LDB2: variants seen among roughly 807,000 people sequenced by gnomAD.
The protein encoded by LDB2 is LIM domain-binding protein 2.
In LDB2, 12 loss-of-function variants were observed where a neutral mutation model predicts 44.3. The ratio of observed to expected loss-of-function variants is 0.27; its 90% CI spans 0.17 to 0.44. The LOEUF is 0.44. Among genes scored for constraint, LDB2 ranks in the 20% least tolerant of loss-of-function variants. The pLI is 1.00. For synonymous variants in LDB2, 164 were observed against 174.8 expected (o/e 0.94, Z 0.49); for missense variants, 344 against 473.5 (o/e 0.73, Z 2.54).
chr4:16,676,151 G>C (rs193280757), intron 2 of LDB2, among the ~76,000 whole-genome samples: 1 of 152,230 alleles, frequency 6.6e-6, no homozygotes, highest in Non-Finnish European at 1.5e-5. Flanking sequence ...GAGAGGTTGT[G>C]TGTGTGTGTG....
chr4:16,815,987 C>A (rs960600597), intron 1 of LDB2, among the ~76,000 whole-genome samples: 2 of 152,144 alleles, frequency 1.3e-5, no homozygotes, highest in Non-Finnish European at 2.9e-5. Context: ...GCGGGTGGAT[C>A]GTCTGAGGTC....
intron 1 of LDB2, among the ~76,000 whole-genome samples, chr4:16,841,135 A>AT (rs201644625): frequency 1.1e-4 from 17 of 151,322 alleles, no homozygotes; most frequent in African/African-American, 2.7e-4. Flanking sequence ...ATAGAATACC[A>AT]TTTTTTTTTC....
At chr4:16,553,193 C>T (rs1355374652) in intron 5 of LDB2, among the ~76,000 whole-genome samples, 4 of 152,300 alleles carry the variant, frequency 2.6e-5, no homozygotes, top group Non-Finnish European at 4.4e-5. Context: ...CTTGCTCTGT[C>T]GCCTAGGCTG....
chr4:16,710,249 G>C (rs1755577001), intron 2 of LDB2, among the ~76,000 whole-genome samples: 1 of 152,286 alleles, frequency 6.6e-6, no homozygotes, highest in East Asian at 1.9e-4. Context: ...GATGGGATTA[G>C]ATATTTTGTT....
At chr4:16,763,421 C>T (rs1003330533) in intron 1 of LDB2, among the ~76,000 whole-genome samples, 1 of 124,804 alleles carries the variant, frequency 8.0e-6, no homozygotes, top group Non-Finnish European at 1.7e-5. Flanking sequence ...TTTCAATCTC[C>T]CCCCATATGT....
At chr4:16,528,263 A>G (rs973413953) in intron 5 of LDB2, among the ~76,000 whole-genome samples, 3 of 152,224 alleles carry the variant, frequency 2.0e-5, no homozygotes, top group Non-Finnish European at 2.9e-5. Context: ...TTCAGTGTAT[A>G]CTGCTTAGGT....
chr4:16,597,818 A>G (rs893311062), intron 2 of LDB2, among the ~76,000 whole-genome samples: 1 of 152,198 alleles, frequency 6.6e-6, no homozygotes, highest in African/African-American at 2.4e-5. Flanking sequence ...AATGGGAAAA[A>G]GGTTTGAGAG....
At chr4:16,693,173 C>T (rs1751208537) in intron 2 of LDB2, among the ~76,000 whole-genome samples, 1 of 152,044 alleles carries the variant, frequency 6.6e-6, no homozygotes, top group African/African-American at 2.4e-5. Context: ...TCTAAGAATA[C>T]AGTGTGAATC....
At chr4:16,864,558 T>C (rs1713958691) in intron 1 of LDB2, among the ~76,000 whole-genome samples, 1 of 152,120 alleles carries the variant, frequency 6.6e-6, no homozygotes, top group Non-Finnish European at 1.5e-5. Context: ...TAAAGGCCCT[T>C]CTCAGGCCAC....
intron 1 of LDB2, among the ~76,000 whole-genome samples, chr4:16,792,083 C>T (rs1208550343): frequency 6.6e-6 from 1 of 152,208 alleles, no homozygotes; most frequent in African/African-American, 2.4e-5. Context: ...AATACCCTAA[C>T]ATGTACACAC....
chr4:16,770,776 T>C (rs1162573449), intron 1 of LDB2, among the ~76,000 whole-genome samples: 6 of 152,154 alleles, frequency 3.9e-5, no homozygotes, highest in Non-Finnish European at 7.3e-5. Flanking sequence ...CATGGAGACA[T>C]GTACTCTCAC....
intron 2 of LDB2, among the ~76,000 whole-genome samples, chr4:16,744,101 G>A (rs1763886688): frequency 6.6e-6 from 1 of 152,192 alleles, no homozygotes; most frequent in Non-Finnish European, 1.5e-5. Context: ...AAATGAAAAT[G>A]AGAGTATGGA....
At chr4:16,564,166 G>T (rs984291181) in intron 5 of LDB2, among the ~76,000 whole-genome samples, 9 of 151,982 alleles carry the variant, frequency 5.9e-5, no homozygotes, top group African/African-American at 2.2e-4. Context: ...ACAACCCTCA[G>T]TGTCTCAAAT....
At chr4:16,570,774 G>T (rs1372012650) in intron 5 of LDB2, among the ~76,000 whole-genome samples, 1 of 152,096 alleles carries the variant, frequency 6.6e-6, no homozygotes, top group African/African-American at 2.4e-5. Flanking sequence ...GTGGGATGAT[G>T]ATGATGACGA....
At chr4:16,659,765 G>A (rs893092801) in intron 2 of LDB2, among the ~76,000 whole-genome samples, 1 of 151,168 alleles carries the variant, frequency 6.6e-6, no homozygotes, top group Non-Finnish European at 1.5e-5. Flanking sequence ...CAAAGTTCAG[G>A]AAGACAAAGA....
chr4:16,617,883 G>A (rs1727772323), intron 2 of LDB2, among the ~76,000 whole-genome samples: 3 of 152,202 alleles, frequency 2.0e-5, no homozygotes, highest in Non-Finnish European at 4.4e-5. Flanking sequence ...TATTGATGGA[G>A]TCCTTTAGAT....
chr4:16,872,998 C>G (rs1717170700), intron 1 of LDB2, among the ~76,000 whole-genome samples: 2 of 152,150 alleles, frequency 1.3e-5, no homozygotes, highest in Non-Finnish European at 2.9e-5. Flanking sequence ...GGAAAGCAAT[C>G]AGATAAGGAA....
intron 2 of LDB2, among the ~76,000 whole-genome samples, chr4:16,694,977 T>C (rs962197114): frequency 6.6e-6 from 1 of 152,186 alleles, no homozygotes; most frequent in Admixed American, 6.5e-5. Context: ...GTAGAGGAAT[T>C]TGTGTACTTA....
intron 5 of LDB2, among the ~76,000 whole-genome samples, chr4:16,584,234 G>T (rs1715902858): frequency 6.6e-6 from 1 of 152,174 alleles, no homozygotes; most frequent in South Asian, 2.1e-4. Context: ...TTCTGACCCA[G>T]TCCTGGAACT....
Sources: allele counts gnomAD v4.1 joint callset (sites outside exome capture counted in the v4.1 genomes callset), GRCh38; gene constraint gnomAD v4.1.1; transcripts MANE v1.5; gene names NCBI Gene and HGNC (gene_info 2026-07-23, HGNC 2026-07-21).